The following IFT20 variants were observed in gnomAD, a reference collection of about 807,000 sequenced individuals.
IFT20 encodes intraflagellar transport 20, also known as intraflagellar transport protein 20 homolog.
In IFT20, 4 loss-of-function variants were observed where a neutral mutation model predicts 16.9. The observed-to-expected ratio is 0.24, with a 90% CI of 0.12 to 0.54. The LOEUF is 0.54. IFT20 is among the 20% of genes least tolerant of loss of function. The pLI is 0.95. For synonymous variants in IFT20, 48 were observed against 49.9 expected (o/e 0.96, Z 0.16); for missense variants, 154 against 149.7 (o/e 1.03, Z -0.15).
At chr17:28,328,801 A>G in intron 4 of IFT20, 68 bp from the exon 5 acceptor site, 1 of 913,596 alleles carries the variant, frequency 1.1e-6, no homozygotes, top group Non-Finnish European at 1.8e-6. Flanking sequence ...ATTCTTCTAG[A>G]GAAGGATATA....
Position 28,331,909 on chromosome 17 carries a change from A to G in IFT20, c.77T>C (p.Val26Ala). ...LNKLRVLDPE[V>A]TQQTIELKEE... ...CTTCAGCTCTATGGTCTGCTGGGTA[A>G]CCTCTGGGTCCAACACCCTCAGCTT... The change falls in exon 2 of 5, where the codon GTT becomes GCT. Residue 26 changes from valine to alanine, a missense_variant. By Grantham distance (64) the Val-to-Ala change is moderately conservative. Coordinates refer to ENST00000395418, the MANE Select transcript of IFT20 (RefSeq NM_001267776.2). 6.2e-7 allele frequency: 1 copy of G among 1,614,148 alleles called. No individual in the cohort carries two copies. Among genetic ancestry groups the G allele is most frequent in the Non-Finnish European group, 8.5e-7 (1 of 1,180,004 alleles).
At position 28,331,830 on chromosome 17, in the gene IFT20, G is replaced by A. The variant is rs782425325; in HGVS notation, c.127+29C>T. The A allele has an allele frequency of 3.7e-6, 6 of 1,613,864 alleles. No homozygotes were observed. The South Asian group carries it at 5.5e-5, about 15-fold the overall frequency. ...ACAGTTGAAATGGCAGCTCAAAGCTGAGTGGCACTGTATCTCCCCAATACT... is the reference window on the plus strand; with the variant it reads ...ACAGTTGAAATGGCAGCTCAAAGCTAAGTGGCACTGTATCTCCCCAATACT... On this transcript the variant is annotated intron_variant, in intron 2 of 4. Transcript: ENST00000395418.
chr17:28,332,028 A>G, intron 1 of IFT20, 41 bp from the exon 2 acceptor site: 1 of 1,613,184 alleles, frequency 6.2e-7, no homozygotes, highest in Non-Finnish European at 8.5e-7. Context: ...CTTCCCAGCC[A>G]CCCAAGGAAA....
chr17:28,332,535 C>G (rs1242982522), intron 1 of IFT20, among the ~76,000 whole-genome samples: 20 of 152,256 alleles, frequency 1.3e-4, no homozygotes, highest in African/African-American at 4.6e-4. Context: ...CTTTATATAT[C>G]ACCAGTTATG....
intron 2 of IFT20, among the ~76,000 whole-genome samples, chr17:28,330,742 G>A (rs1370157446): frequency 5.3e-5 from 8 of 152,188 alleles, no homozygotes; most frequent in Non-Finnish European, 8.8e-5. Context: ...GTTAGAGGAT[G>A]TGTGATCATG....
rs1906464009 is a variant in IFT20, at chr17:28,328,382, A to G, written c.*270T>C. ...TTCCAAAGCTTTGTGAATTTACAAA[A>G]AAAAGGATGAAAGTTTACAAACTGC... On this transcript the variant is annotated 3_prime_UTR_variant, in exon 5 of 5. Transcript: ENST00000395418. 1 of 341,698 alleles carries G rather than the reference A, an allele frequency of 2.9e-6. No individual in the cohort carries two copies. The highest frequency in any genetic ancestry group is 2.1e-5 in the African/African-American group (1 of 46,672). The allele number at this position is 341,698 out of a possible 1,614,324, so 21.2% of individuals were successfully genotyped here. A position where few individuals can be genotyped will look rare whatever the true frequency, so the allele number is the denominator to read the frequency against.
rs782689656 is a variant in IFT20 at position 28,331,930 on chromosome 17, A to G, written c.56T>C (p.Leu19Pro). The G allele has an allele frequency of 6.2e-7, 1 of 1,614,226 alleles. No homozygotes were observed. The highest frequency in any genetic ancestry group is 8.5e-7 in the Non-Finnish European group (1 of 1,180,032). The change falls in exon 2 of 5, where the codon CTG becomes CCG. Residue 19 changes from leucine to proline, a missense_variant. By Grantham distance (98) the Leu-to-Pro change is moderately conservative (BLOSUM62 -3). Coordinates refer to ENST00000395418, the MANE Select transcript of IFT20 (RefSeq NM_001267776.2). ...GGTAACCTCTGGGTCCAACACCCTC[A>G]GCTTGTTCAGTTCATCAAAGTGTAG... The part of the protein sequence containing the change: ...AGLHFDELNK[L>P]RVLDPEVTQQ...
At chr17:28,333,338 C>A (rs1317563861) in intron 1 of IFT20, among the ~76,000 whole-genome samples, 10 of 152,174 alleles carry the variant, frequency 6.6e-5, no homozygotes, top group Non-Finnish European at 1.3e-4. Context: ...GTTGGCTGTC[C>A]AGGGCAGGTG....
intron 2 of IFT20, 151 bp downstream of exon 2, chr17:28,331,708 G>T: frequency 2.2e-6 from 2 of 902,608 alleles, no homozygotes; most frequent in Non-Finnish European, 3.5e-6. Context: ...CAAGAGGGCA[G>T]ACAGAAAAGG....
intron 1 of IFT20, 104 bp downstream of exon 1, chr17:28,335,236 C>T (rs1907070270): frequency 6.6e-6 from 1 of 152,246 alleles, no homozygotes; most frequent in Non-Finnish European, 1.5e-5. Flanking sequence ...GGGCGGAATT[C>T]CCACGTCTCT....
rs374355558 is a variant in IFT20, at chr17:28,332,037, A to G, written c.-2-50T>C. 8 of 1,613,116 alleles carry G rather than the reference A, an allele frequency of 5.0e-6. No individual in the cohort carries two copies. The African/African-American group carries it at 6.7e-5, about 13-fold the overall frequency. ...TCATCACTTCCCAGCCACCCAAGGA[A>G]ATGCCTGCTGCCAAGCCAGCCCCAC... On this transcript the variant is annotated intron_variant, in intron 1 of 4. Transcript: ENST00000395418.
chr17:28,329,122 G>T, intron 4 of IFT20, 51 bp downstream of exon 4: 1 of 1,205,324 alleles, frequency 8.3e-7, no homozygotes, highest in Non-Finnish European at 1.2e-6. Flanking sequence ...CCAGAAGGAA[G>T]AGTGGAAATT....
intron 2 of IFT20, among the ~76,000 whole-genome samples, chr17:28,330,733 T>TTAGA (rs1906722499): frequency 6.6e-6 from 1 of 151,838 alleles, no homozygotes; most frequent in African/African-American, 2.4e-5. Context: ...AACCCAGGAG[T>TTAGA]TAGAGGATGT....
At chr17:28,333,846 G>A (rs1906949509) in intron 1 of IFT20, among the ~76,000 whole-genome samples, 1 of 152,048 alleles carries the variant, frequency 6.6e-6, no homozygotes, top group South Asian at 2.1e-4. Flanking sequence ...TGGGAGGATC[G>A]CTTAAGCCCA....
intron 1 of IFT20, among the ~76,000 whole-genome samples, chr17:28,333,069 C>CAA (rs1239361956): frequency 1.7e-5 from 1 of 58,322 alleles, no homozygotes; most frequent in African/African-American, 6.8e-5. Context: ...TGTTCTGGCT[C>CAA]AAAACACACA....
Position 28,332,401 on chromosome 17 carries a change from G to T in IFT20, c.-2-414C>A. 1 of 532,344 alleles carries T rather than the reference G, an allele frequency of 1.9e-6. No homozygotes were observed. The highest frequency in any genetic ancestry group is 3.3e-5 in the Admixed American group (1 of 30,388). 33.0% of individuals were successfully genotyped at this position (532,344 alleles called of 1,614,324 possible). A position where few individuals can be genotyped will look rare whatever the true frequency, so the allele number is the denominator to read the frequency against. ...AGTTCAGCTGGAAGAAGACAGACAC[G>T]GAAACTGAAAAACCACACTGCGTTA... On this transcript the variant is annotated intron_variant, in intron 1 of 4. Coordinates refer to ENST00000395418, the MANE Select transcript of IFT20 (RefSeq NM_001267776.2).
intron 4 of IFT20, 154 bp from the exon 5 acceptor site, chr17:28,328,887 C>T (rs1906519438): frequency 3.0e-6 from 2 of 656,924 alleles, no homozygotes. Context: ...CCCAGAGCCA[C>T]CCATGAGAAA....
At chr17:28,329,071 G>T in intron 4 of IFT20, 102 bp downstream of exon 4, 1 of 795,172 alleles carries the variant, frequency 1.3e-6, no homozygotes, top group Non-Finnish European at 2.1e-6. Flanking sequence ...TGCTATTCCT[G>T]GGAAAACAAT....
intron 3 of IFT20, chr17:28,330,092 T>C: frequency 1.8e-6 from 1 of 559,402 alleles, no homozygotes. Context: ...AAACCTCAGC[T>C]GGGTGTGGTG....
Sources: allele counts gnomAD v4.1 joint callset (sites outside exome capture counted in the v4.1 genomes callset), GRCh38; gene constraint gnomAD v4.1.1; transcripts MANE v1.5; gene names NCBI Gene and HGNC (gene_info 2026-07-23, HGNC 2026-07-21).